Variants in ZFHX3 observed in about 807,000 individuals in gnomAD.
The protein encoded by ZFHX3 is zinc finger homeobox 3.
Under a neutral mutation model 279.1 loss-of-function variants are expected in ZFHX3, and 42 were observed. The ratio of observed to expected loss-of-function variants is 0.15; its 90% CI spans 0.12 to 0.19. The LOEUF (loss-of-function observed/expected upper bound fraction) is 0.19, where lower values mean the gene tolerates loss of function less well. ZFHX3 is among the 10% of genes least tolerant of loss of function. The pLI is 1.00. For synonymous variants in ZFHX3, 2,293 were observed against 1,957.8 expected (o/e 1.17, Z -4.52); for missense variants, 4,981 against 4,754.0 (o/e 1.05, Z -1.40).
At chr16:73,530,447 GT>G (rs565225113) in intron 2 of ZFHX3, among the ~76,000 whole-genome samples, 16 of 152,146 alleles carry the variant, frequency 1.1e-4, no homozygotes, top group Non-Finnish European at 2.1e-4. Context: ...TGTTTTCCAC[GT>G]CTGATAAACT....
chr16:73,422,902 G>T (rs556158386), intron 3 of ZFHX3, among the ~76,000 whole-genome samples: 7 of 152,192 alleles, frequency 4.6e-5, no homozygotes, highest in African/African-American at 1.4e-4. Flanking sequence ...GAGAAAGAAG[G>T]CTACAGGTTC....
At chr16:73,439,909 C>CAAAAAAAAAAA (rs71156164) in intron 3 of ZFHX3, among the ~76,000 whole-genome samples, 24 of 75,434 alleles carry the variant, frequency 3.2e-4, no homozygotes, top group African/African-American at 1.1e-3. Flanking sequence ...GGGAGAGGGA[C>CAAAAAAAAAAA]AAAAAAAAAA....
intron 5 of ZFHX3, among the ~76,000 whole-genome samples, chr16:73,237,347 G>C (rs924775364): frequency 3.9e-5 from 6 of 152,088 alleles, no homozygotes; most frequent in Non-Finnish European, 8.8e-5. Context: ...CTGGGATCAA[G>C]TAATCCTCTC....
chr16:73,132,402 G>A (rs1966703116), intron 6 of ZFHX3, among the ~76,000 whole-genome samples: 1 of 152,154 alleles, frequency 6.6e-6, no homozygotes, highest in East Asian at 1.9e-4. Context: ...GGATTGTCTG[G>A]AATCAATTCA....
chr16:73,517,065 C>A (rs1348906126), intron 2 of ZFHX3, among the ~76,000 whole-genome samples: 1 of 152,074 alleles, frequency 6.6e-6, no homozygotes, highest in Non-Finnish European at 1.5e-5. Flanking sequence ...AGTCTTCATC[C>A]CCCCATAACA....
intron 2 of ZFHX3, among the ~76,000 whole-genome samples, chr16:72,952,872 C>T (rs914633500): frequency 2.6e-5 from 4 of 152,168 alleles, no homozygotes; most frequent in Non-Finnish European, 5.9e-5. Flanking sequence ...TGGGCACTGG[C>T]GTCTAGTTTC....
intron 4 of ZFHX3, among the ~76,000 whole-genome samples, chr16:73,285,158 A>C (rs1312441487): frequency 1.3e-5 from 2 of 152,164 alleles, no homozygotes; most frequent in Non-Finnish European, 2.9e-5. Context: ...CTTGGTTGCA[A>C]CCCTTGAGAA....
intron 5 of ZFHX3, among the ~76,000 whole-genome samples, chr16:73,164,450 A>T (rs1417837955): frequency 1.3e-5 from 2 of 152,200 alleles, no homozygotes; most frequent in Non-Finnish European, 2.9e-5. Context: ...TTGTAATCCC[A>T]GCACTTTGGG....
chr16:73,423,861 CA>C (rs34917527), intron 3 of ZFHX3, among the ~76,000 whole-genome samples: 25,491 of 136,460 alleles, frequency 0.19, 2,551 homozygotes, highest in East Asian at 0.33. Context: ...GACTCCATCT[CA>C]AAAAAAAAAA....
At chr16:73,373,049 CACTGGTCCTG>C (rs1373745150) in intron 3 of ZFHX3, among the ~76,000 whole-genome samples, 1 of 152,042 alleles carries the variant, frequency 6.6e-6, no homozygotes, top group Non-Finnish European at 1.5e-5. Flanking sequence ...CTGTAGTTGC[CACTGGTCCTG>C]AGGCTTCTAA....
intron 1 of ZFHX3, among the ~76,000 whole-genome samples, chr16:73,704,557 C>T (rs144889812): frequency 3.1e-3 from 471 of 152,298 alleles, no homozygotes; most frequent in Middle Eastern, 0.01. Flanking sequence ...AATGGGCTCA[C>T]GTATGTCTGT....
rs114831952 is a variant in ZFHX3 at position 73,773,858 on chromosome 16, C to G, written c.-1607-93618G>C. Among the ~76,000 whole-genome samples the G allele has an allele frequency of 1.9e-3, 293 of 152,232 alleles. 2 individuals carry two copies. The highest frequency in any genetic ancestry group is 6.8e-3 in the African/African-American group (281 of 41,544). On this transcript the variant is annotated intron_variant, in intron 1 of 17. Coordinates refer to the ZFHX3 transcript ENST00000641206. The stretch of plus-strand genomic sequence containing the variant: ...ACACTTCTAAAAAGTTGAAAAGAGG[C>G]CAGATGCAGTGGCTCATGCCTGTAA...
intron 2 of ZFHX3, among the ~76,000 whole-genome samples, chr16:73,569,025 C>T (rs2020492477): frequency 6.6e-6 from 1 of 152,056 alleles, no homozygotes; most frequent in Admixed American, 6.6e-5. Flanking sequence ...CAGGCTGTTT[C>T]AATTAATGCC....
intron 1 of ZFHX3, among the ~76,000 whole-genome samples, chr16:72,990,830 A>G (rs1963057989): frequency 6.6e-6 from 1 of 152,176 alleles, no homozygotes; most frequent in Non-Finnish European, 1.5e-5. Context: ...AAATACAAAA[A>G]TTAGCCGGGT....
chr16:73,106,359 A>G (rs1765025853), intron 7 of ZFHX3, among the ~76,000 whole-genome samples: 1 of 152,086 alleles, frequency 6.6e-6, no homozygotes, highest in African/African-American at 2.4e-5. Flanking sequence ...TGCTTTTTGC[A>G]TGGTGTCAGT....
intron 2 of ZFHX3, among the ~76,000 whole-genome samples, chr16:73,608,245 T>C (rs1395325912): frequency 6.6e-6 from 1 of 152,190 alleles, no homozygotes; most frequent in Non-Finnish European, 1.5e-5. Flanking sequence ...TTCCTTCCCA[T>C]TTCCCCATGT....
chr16:73,378,623 T>C (rs74763228), intron 3 of ZFHX3, among the ~76,000 whole-genome samples: 1,585 of 152,326 alleles, frequency 0.01, 31 homozygotes, highest in African/African-American at 0.036. Flanking sequence ...CCAAAGTCTT[T>C]AACCAGAGGT....
chr16:73,712,449 G>A (rs2053372451), intron 1 of ZFHX3, among the ~76,000 whole-genome samples: 1 of 152,214 alleles, frequency 6.6e-6, no homozygotes, highest in African/African-American at 2.4e-5. Context: ...CCAGGTTGCA[G>A]GCTAAAGTTA....
intron 5 of ZFHX3, among the ~76,000 whole-genome samples, chr16:73,184,252 G>A (rs1458560794): frequency 2.0e-5 from 3 of 152,166 alleles, no homozygotes; most frequent in Admixed American, 6.5e-5. Context: ...ATGCGTCCAG[G>A]CAGGGGCCCA....
Sources: allele counts gnomAD v4.1 joint callset (sites outside exome capture counted in the v4.1 genomes callset), GRCh38; gene constraint gnomAD v4.1.1; transcripts MANE v1.5; gene names NCBI Gene and HGNC (gene_info 2026-07-23, HGNC 2026-07-21).